The following ATAD3A variants were observed in gnomAD, a reference collection of about 807,000 sequenced individuals.
The protein encoded by ATAD3A is ATPase family AAA domain containing 3A, also known as ATPase family AAA domain-containing protein 3A.
ATAD3A carries 46 observed loss-of-function variants against 73.8 expected under a neutral mutation model. The observed-to-expected ratio is 0.62, with a 90% CI of 0.49 to 0.80. The LOEUF is 0.80. ATAD3A is among the 30% of genes least tolerant of loss of function. The pLI is 0.00. For missense variants in ATAD3A, 705 were observed against 838.0 expected (o/e 0.84, Z 1.96); for synonymous variants, 319 against 350.0 (o/e 0.91, Z 0.99).
intron 14 of ATAD3A, among the ~76,000 whole-genome samples, chr1:1,528,532 C>G (rs971845442): frequency 9.9e-5 from 15 of 151,798 alleles, no homozygotes; most frequent in African/African-American, 3.2e-4. Flanking sequence ...TCTTGCTGCT[C>G]ACGTGCCTTG....
rs1480879463 is a variant in ATAD3A at position 1,519,643 on chromosome 1, T to C, written c.515-498T>C. 7.8e-5 allele frequency among the ~76,000 whole-genome samples: 9 copies of C among 115,598 alleles called. No individual in the cohort carries two copies. In the South Asian group the frequency reaches 1.4e-3, roughly 17 times the overall value. 75.8% of individuals were successfully genotyped at this position (115,598 alleles called of 152,430 possible). A position where few individuals can be genotyped will look rare whatever the true frequency, so the allele number is the denominator to read the frequency against. On this transcript the variant is annotated intron_variant, in intron 5 of 15. Coordinates refer to ENST00000378756, the MANE Select transcript of ATAD3A (RefSeq NM_001170535.3). The stretch of plus-strand genomic sequence containing the variant: ...GTCTGTCACCACTCTTCACCGTGGG[T>C]GGGCTTGTGGCGAGGTGTGTGCGTT...
At chr1:1,533,526 A>G in intron 15 of ATAD3A, among the ~76,000 whole-genome samples, 1 of 152,072 alleles carries the variant, frequency 6.6e-6, no homozygotes, top group Non-Finnish European at 1.5e-5. Flanking sequence ...TCTGCCCTGG[A>G]GGCCTGTGAG....
chr1:1,518,570 G>GACAC (rs144700871), intron 4 of ATAD3A, among the ~76,000 whole-genome samples: 3 of 106,382 alleles, frequency 2.8e-5, no homozygotes, highest in Non-Finnish European at 5.3e-5. Flanking sequence ...CCGTCACAGG[G>GACAC]ACACACACAC....
At position 1,523,977 on chromosome 1, in the gene ATAD3A, G is replaced by A. The variant is rs536270070; in HGVS notation, c.1089+13G>A. The A allele has an allele frequency of 1.6e-4, 256 of 1,612,918 alleles. No individual in the cohort carries two copies. In the African/African-American group the frequency reaches 2.1e-3, roughly 13 times the overall value. ...GCTGTTTGCCAAGGTGAGAGCGCCT[G>A]GCTGAACAGGTGGGCCAGGGGCCGC... On this transcript the variant is annotated intron_variant, in intron 10 of 15. Transcript: ENST00000378756. This position sits in a 1 kb window ranked among gnomAD's most constrained non-coding sequence, Gnocchi z 5.1.
chr1:1,527,446 C>T (rs1641887440), intron 13 of ATAD3A, among the ~76,000 whole-genome samples: 1 of 152,216 alleles, frequency 6.6e-6, no homozygotes, highest in African/African-American at 2.4e-5. Context: ...GAGTGGTGTT[C>T]CCGGCACTGC....
Position 1,523,494 on chromosome 1 carries a change from C to G in ATAD3A, c.907-17C>G, listed in dbSNP as rs1363141263. The G allele has an allele frequency of 1.6e-5, 25 of 1,610,330 alleles. No individual in the cohort carries two copies. In the South Asian group the frequency reaches 2.8e-4, roughly 18 times the overall value. On this transcript the variant is annotated splice_polypyrimidine_tract_variant and intron_variant, in intron 8 of 15. Transcript: ENST00000378756. The surrounding 1 kb of genome is among the most constrained non-coding windows in gnomAD (Gnocchi z 5.1). ...GTGGCAGGTGACCCGATGGCGCTTC[C>G]CCTTCCCCTCCGGCAGGTCAGCCGG... is the stretch of plus-strand genomic sequence containing the variant.
At chr1:1,528,418 C>T (rs930276778) in intron 14 of ATAD3A, among the ~76,000 whole-genome samples, 1 of 152,236 alleles carries the variant, frequency 6.6e-6, no homozygotes, top group Admixed American at 6.5e-5. Flanking sequence ...ACCCCCGTGT[C>T]GGGACTGGAG....
At chr1:1,526,951 G>A (rs947515009) in intron 13 of ATAD3A, among the ~76,000 whole-genome samples, 2 of 152,168 alleles carry the variant, frequency 1.3e-5, no homozygotes, top group African/African-American at 2.4e-5. Context: ...AGCAGGTCCT[G>A]TGTGTCGGGG....
chr1:1,520,010 G>A lies in ATAD3A; in HGVS notation c.515-131G>A. The A allele has an allele frequency of 2.9e-6, 4 of 1,368,206 alleles. No homozygotes were observed. The highest frequency in any genetic ancestry group is 2.6e-5 in the East Asian group (1 of 38,926). 84.8% of individuals were successfully genotyped at this position (1,368,206 alleles called of 1,614,324 possible). On this transcript the variant is annotated intron_variant, in intron 5 of 15. Coordinates refer to ENST00000378756, the MANE Select transcript of ATAD3A (RefSeq NM_001170535.3). This position sits in a 1 kb window ranked among gnomAD's most constrained non-coding sequence, Gnocchi z 4.0. Reference sequence around the variant, plus strand: ...TGTCCATGGCGTGGGCCGGTCCGTGGCATGGGCCTGTCTGTGGCGTTGGTC... The same window carrying A: ...TGTCCATGGCGTGGGCCGGTCCGTGACATGGGCCTGTCTGTGGCGTTGGTC...
chr1:1,517,036 G>T, intron 2 of ATAD3A: 1 of 1,440,988 alleles, frequency 6.9e-7, no homozygotes, highest in East Asian at 2.5e-5. Context: ...CCTAAAATAA[G>T]CATGAGCTCT....
At chr1:1,531,598 C>A (rs972590069) in intron 15 of ATAD3A, among the ~76,000 whole-genome samples, 9 of 150,678 alleles carry the variant, frequency 6.0e-5, no homozygotes, top group African/African-American at 1.7e-4. Context: ...ACGGTGGAAC[C>A]CCATCTCTAA....
rs1382048157 is a variant in ATAD3A at position 1,512,186 on chromosome 1, G to T, written c.-83G>T. 4.9e-6 allele frequency: 6 copies of T among 1,218,480 alleles called. No individual in the cohort carries two copies. In the East Asian group the frequency reaches 2.0e-4, roughly 41 times the overall value. 75.5% of individuals were successfully genotyped at this position (1,218,480 alleles called of 1,614,324 possible). ...CAGTGGCGGTGACCACCGGCTCGCG[G>T]CGCGTGGAGGCTGCTCCCAGCCGCG... On this transcript the variant is annotated 5_prime_UTR_variant, in exon 1 of 16. Coordinates refer to ENST00000378756, the MANE Select transcript of ATAD3A (RefSeq NM_001170535.3).
Position 1,525,223 on chromosome 1 carries a change from C to T in ATAD3A, c.1215-17C>T. ...TGGTGTCACTCTCGCCCTGCTTGGCCTCCCTCTCGTTCACAGCCTCCTGCT... is the reference window on the plus strand; with the variant it reads ...TGGTGTCACTCTCGCCCTGCTTGGCTTCCCTCTCGTTCACAGCCTCCTGCT... On this transcript the variant is annotated splice_polypyrimidine_tract_variant and intron_variant, in intron 11 of 15. Transcript: ENST00000378756. 1 of 1,613,674 alleles carries T rather than the reference C, an allele frequency of 6.2e-7. No individual in the cohort carries two copies. Among genetic ancestry groups the T allele is most frequent in the Non-Finnish European group, 8.5e-7 (1 of 1,179,940 alleles).
chr1:1,513,027 G>A (rs1315213586), intron 1 of ATAD3A, among the ~76,000 whole-genome samples: 1 of 152,262 alleles, frequency 6.6e-6, no homozygotes, highest in Non-Finnish European at 1.5e-5. Context: ...CTGACCCAAG[G>A]CCCTCAGGGT....
At chr1:1,516,310 G>A (rs927178847) in intron 2 of ATAD3A, among the ~76,000 whole-genome samples, 1 of 151,956 alleles carries the variant, frequency 6.6e-6, no homozygotes, top group East Asian at 1.9e-4. Flanking sequence ...TGGTGAGGGC[G>A]TCTGGTCGTC....
intron 5 of ATAD3A, among the ~76,000 whole-genome samples, 163 bp downstream of exon 5, chr1:1,519,153 A>G (rs1641497933): frequency 6.7e-6 from 1 of 150,144 alleles, no homozygotes; most frequent in African/African-American, 2.5e-5. Context: ...CTCGGAAGAC[A>G]CCTCTGTCTG....
At chr1:1,521,929 A>G (rs760361036) in intron 7 of ATAD3A, among the ~76,000 whole-genome samples, 11 of 152,134 alleles carry the variant, frequency 7.2e-5, no homozygotes, top group Non-Finnish European at 1.5e-4. Context: ...GGTTTTCACC[A>G]TGTTGGCCAG....
At position 1,529,349 on chromosome 1, in the gene ATAD3A, A is replaced by C; in HGVS notation, c.1614+18A>C. 1 of 1,545,520 alleles carries C rather than the reference A, an allele frequency of 6.5e-7. No individual in the cohort carries two copies. The highest frequency in any genetic ancestry group is 8.7e-7 in the Non-Finnish European group (1 of 1,143,120). ...CCTGGCAGGTGAGTCAGGCTCCGGC[A>C]CGTCCACCCAGACGGGACCCCAGCT... On this transcript the variant is annotated intron_variant, in intron 15 of 15. Transcript: ENST00000378756.
At chr1:1,532,208 G>C (rs138240667) in intron 15 of ATAD3A, among the ~76,000 whole-genome samples, 6 of 152,160 alleles carry the variant, frequency 3.9e-5, no homozygotes, top group African/African-American at 1.4e-4. Context: ...ATTTTGTTGA[G>C]GACTTTTCCA....
Sources: allele counts gnomAD v4.1 joint callset (sites outside exome capture counted in the v4.1 genomes callset), GRCh38; gene constraint gnomAD v4.1.1; non-coding constraint Gnocchi (gnomAD v3.1); transcripts MANE v1.5; gene names NCBI Gene and HGNC (gene_info 2026-07-23, HGNC 2026-07-21).